Variants in U2SURP observed in about 807,000 individuals in gnomAD.
U2SURP encodes the protein U2 snRNP associated SURP domain containing.
U2SURP carries 9 observed loss-of-function variants against 144.9 expected under a neutral mutation model. That is an observed-to-expected ratio of 0.06 (90% CI 0.04 to 0.11). U2SURP has a LOEUF of 0.11. U2SURP is among the 10% of genes least tolerant of loss of function. The probability of loss-of-function intolerance (pLI) is 1.00; values close to 1 mark genes in which losing one functional copy is unlikely to be tolerated. For synonymous variants in U2SURP, 408 were observed against 396.8 expected (o/e 1.03, Z -0.33); for missense variants, 724 against 1,226.7 (o/e 0.59, Z 6.12).
intron 22 of U2SURP, among the ~76,000 whole-genome samples, chr3:143,038,436 T>C (rs1933925954): frequency 6.6e-6 from 1 of 152,044 alleles, no homozygotes; most frequent in Admixed American, 6.6e-5. Flanking sequence ...ACTGAAAACC[T>C]TTCAGGTTAA....
chr3:143,002,977 G>A (rs1019291761), intron 1 of U2SURP, among the ~76,000 whole-genome samples: 5 of 152,108 alleles, frequency 3.3e-5, no homozygotes, highest in African/African-American at 1.2e-4. Context: ...CTCCTGACAA[G>A]AACATACCGT....
At chr3:143,052,935 T>G (rs945438364) in intron 25 of U2SURP, among the ~76,000 whole-genome samples, 4 of 145,486 alleles carry the variant, frequency 2.7e-5, no homozygotes, top group Admixed American at 1.4e-4. Context: ...CATCTGGGGA[T>G]AAGCAAATGT....
chr3:143,010,730 A>G, intron 1 of U2SURP, 85 bp from the exon 2 acceptor site: 1 of 1,019,572 alleles, frequency 9.8e-7, no homozygotes, highest in Non-Finnish European at 1.4e-6. Flanking sequence ...AAGTTAGGAA[A>G]CTCTTAAGTT....
chr3:143,023,880 G>A (rs758477360), intron 12 of U2SURP, 95 bp from the exon 13 acceptor site: 44 of 1,136,854 alleles, frequency 3.9e-5, no homozygotes, highest in Non-Finnish European at 5.0e-5. Flanking sequence ...GATTAGATAT[G>A]TAGTATTTTC....
At chr3:143,043,355 T>C in intron 24 of U2SURP, 79 bp downstream of exon 24, 4 of 1,417,378 alleles carry the variant, frequency 2.8e-6, no homozygotes, top group Non-Finnish European at 3.8e-6. Flanking sequence ...CTCTTTGCAT[T>C]GTACCGTAGT....
intron 2 of U2SURP, 55 bp downstream of exon 2, chr3:143,010,914 A>G: frequency 3.1e-6 from 4 of 1,303,330 alleles, no homozygotes; most frequent in Non-Finnish European, 4.3e-6. Context: ...ACTTCTCCTC[A>G]TATGTATCCC....
chr3:143,040,109 G>A (rs553524164), intron 23 of U2SURP, among the ~76,000 whole-genome samples: 8 of 151,804 alleles, frequency 5.3e-5, no homozygotes, highest in East Asian at 1.9e-4. Flanking sequence ...AGTAGTATAC[G>A]TACTCATAAA....
intron 3 of U2SURP, among the ~76,000 whole-genome samples, chr3:143,013,429 T>C (rs143201466): frequency 2.1e-4 from 32 of 152,228 alleles, no homozygotes; most frequent in African/African-American, 7.7e-4. Context: ...GCAGCAATGT[T>C]ACTCTTCTAT....
Position 143,059,693 on chromosome 3 carries a change from A to G in U2SURP, c.*3243A>G, listed in dbSNP as rs1355024067. The G allele has an allele frequency of 6.6e-6, 1 of 151,936 alleles. No individual in the cohort carries two copies. The highest frequency in any genetic ancestry group is 2.4e-5 in the African/African-American group (1 of 41,452). The allele number at this position is 151,936 out of a possible 1,614,324, so 9.4% of individuals were successfully genotyped here. ...TAAAAATAAATAGTACCACTTTTCT[A>G]AGACTGTACAGTTTACAAATAAGGT... On this transcript the variant is annotated 3_prime_UTR_variant, in exon 28 of 28. Transcript: ENST00000473835.
At position 143,014,369 on chromosome 3, in the gene U2SURP, G is replaced by T; in HGVS notation, c.281G>T (p.Arg94Leu). ...FSIGKMSTAK[R>L]TLSKKEQEEL... ...ATTGGAAAAATGAGTACAGCTAAGCGAACTTTAAGTAAAAAGGAACAGGAA... is the reference window on the plus strand; with the variant it reads ...ATTGGAAAAATGAGTACAGCTAAGCTAACTTTAAGTAAAAAGGAACAGGAA... The change falls in exon 4 of 28, where the codon CGA (arginine) becomes CTA (leucine). Residue 94 changes from arginine to leucine, a missense_variant. Physicochemically the swap from Arg to Leu is moderately radical, Grantham distance 102. Transcript: ENST00000473835. The T allele has an allele frequency of 6.2e-7, 1 of 1,609,186 alleles. No individual in the cohort carries two copies. Among genetic ancestry groups the T allele is most frequent in the South Asian group, 1.1e-5 (1 of 90,290 alleles).
intron 24 of U2SURP, among the ~76,000 whole-genome samples, chr3:143,046,944 G>A (rs1934506080): frequency 1.2e-5 from 1 of 83,052 alleles, no homozygotes; most frequent in African/African-American, 5.5e-5. Flanking sequence ...GGCCGGGCAG[G>A]GGGCTGACCT....
At chr3:143,002,317 T>C (rs1363614367) in intron 1 of U2SURP, 1 of 152,338 alleles carries the variant, frequency 6.6e-6, no homozygotes, top group African/African-American at 2.4e-5. Context: ...CGTGGTCTCT[T>C]TCTTTATGTT....
intron 20 of U2SURP, among the ~76,000 whole-genome samples, chr3:143,036,447 G>A (rs570501397): frequency 6.4e-4 from 98 of 152,232 alleles, no homozygotes; most frequent in African/African-American, 2.2e-3. Context: ...TAAAATATGT[G>A]CATGAAAAGA....
intron 1 of U2SURP, among the ~76,000 whole-genome samples, chr3:143,001,955 T>C (rs1190904865): frequency 6.6e-6 from 1 of 152,208 alleles, no homozygotes; most frequent in Non-Finnish European, 1.5e-5. Flanking sequence ...CAGATTGAGG[T>C]CTGAAGCAGT....
intron 25 of U2SURP, among the ~76,000 whole-genome samples, chr3:143,053,169 A>C (rs748818263): frequency 6.6e-6 from 1 of 152,034 alleles, no homozygotes; most frequent in East Asian, 1.9e-4. Context: ...TTTACTGACT[A>C]TTTTATTGTA....
At chr3:143,019,892 TA>T in intron 6 of U2SURP, 76 bp from the exon 7 acceptor site, 1 of 726,138 alleles carries the variant, frequency 1.4e-6, no homozygotes, top group Non-Finnish European at 2.1e-6. Flanking sequence ...TGAAATGATG[TA>T]AAAAGGCTCT....
Position 143,058,013 on chromosome 3 carries a change from T to G in U2SURP, c.*1563T>G, listed in dbSNP as rs111916583. 1.3e-5 allele frequency: 2 copies of G among 152,394 alleles called. No individual in the cohort carries two copies. The highest frequency in any genetic ancestry group is 4.8e-5 in the African/African-American group (2 of 41,442). The allele number at this position is 152,394 out of a possible 1,614,324, so 9.4% of individuals were successfully genotyped here. On this transcript the variant is annotated 3_prime_UTR_variant, in exon 28 of 28. Transcript: ENST00000473835. ...GAAAGTTATTTCCTTATTCACTGTT[T>G]TGTTAGTCCATTTTGTTAGGAAACA...
rs775378046 is a variant in U2SURP at position 143,011,972 on chromosome 3, C to T, written c.91-250C>T. The T allele has an allele frequency of 4.6e-5, 27 of 592,946 alleles. 1 individual carries two copies. The highest frequency in any genetic ancestry group is 2.6e-4 in the South Asian group (17 of 65,736). The allele number at this position is 592,946 out of a possible 1,614,324, so 36.7% of individuals were successfully genotyped here. On this transcript the variant is annotated intron_variant, in intron 2 of 27. Transcript: ENST00000473835. Reference sequence around the variant, plus strand: ...GACATTTTCTTGAAAATGAAGGTAACGAACCTGTTACTTCAAGGAAAACAA... The same window carrying T: ...GACATTTTCTTGAAAATGAAGGTAATGAACCTGTTACTTCAAGGAAAACAA...
chr3:143,053,943 G>A (rs16852921), intron 26 of U2SURP, 149 bp downstream of exon 26: 143,644 of 612,638 alleles, frequency 0.23, 18,161 homozygotes, highest in East Asian at 0.34. Flanking sequence ...CAGAAATAGC[G>A]GAGAAATGGG....
Sources: gnomAD v4.1 joint callset for allele counts (sites outside exome capture counted in the v4.1 genomes callset) on GRCh38, gnomAD v4.1.1 for gene constraint, MANE v1.5 for transcripts, NCBI Gene and HGNC (gene_info 2026-07-23, HGNC 2026-07-21) for gene names.